MYOM1: variants seen among roughly 807,000 people sequenced by gnomAD.
MYOM1 encodes the protein myomesin 1, also known as myomesin-1.
MYOM1 carries 164 observed loss-of-function variants against 205.3 expected under a neutral mutation model. That is an observed-to-expected ratio of 0.80 (90% CI 0.70 to 0.91). MYOM1 has a LOEUF of 0.91. MYOM1 is among the 40% of genes least tolerant of loss of function. MYOM1 has a pLI of 0.00. For synonymous variants in MYOM1, 772 were observed against 789.4 expected (o/e 0.98, Z 0.37); for missense variants, 2,011 against 2,127.3 (o/e 0.95, Z 1.08).
intron 37 of MYOM1, among the ~76,000 whole-genome samples, chr18:3,067,829 G>C (rs2078915845): frequency 6.6e-6 from 1 of 152,096 alleles, no homozygotes; most frequent in Non-Finnish European, 1.5e-5. Context: ...ACACGAAAGA[G>C]TTTATGTCTA....
In MYOM1 at chr18:3,079,355, A is replaced by G. The variant is rs1203156496; in HGVS notation, c.4485-13T>C. On this transcript the variant is annotated splice_polypyrimidine_tract_variant and intron_variant, in intron 33 of 37. Coordinates refer to ENST00000356443, the MANE Select transcript of MYOM1 (RefSeq NM_003803.4). ...AATGGCGGACCCACTGTGAAAATCG[A>G]AGAAAACTTCCTTAGCATTTGCTTC... 4 of 1,600,128 alleles carry G rather than the reference A, an allele frequency of 2.5e-6. No homozygotes were observed. Among genetic ancestry groups the G allele is most frequent in the Non-Finnish European group, 3.4e-6 (4 of 1,171,056 alleles).
At chr18:3,241,186 G>A in the MYOM1 span, among the ~76,000 whole-genome samples, 3 of 152,224 alleles carry the variant, frequency 2.0e-5, no homozygotes, top group South Asian at 6.2e-4. Flanking sequence ...TAACGAGGAG[G>A]TGAATGTTAA....
upstream of MYOM1, among the ~76,000 whole-genome samples, chr18:3,224,270 C>T (rs936562476): frequency 1.3e-5 from 2 of 152,200 alleles, no homozygotes; most frequent in African/African-American, 4.8e-5. Context: ...GATCTGCCTG[C>T]CTCAGCCTCC....
chr18:3,229,596 C>A, the MYOM1 span, among the ~76,000 whole-genome samples: 1 of 152,130 alleles, frequency 6.6e-6, no homozygotes. Flanking sequence ...ATGTCATCAA[C>A]CAAATATGAA....
chr18:3,225,707 C>T, the MYOM1 span, among the ~76,000 whole-genome samples: 2 of 152,194 alleles, frequency 1.3e-5, no homozygotes, highest in Non-Finnish European at 2.9e-5. Context: ...GAGCCTTAGC[C>T]ACATTTAATA....
chr18:3,215,299 C>G, intron 1 of MYOM1, 48 bp from the exon 2 acceptor site: 3 of 1,384,604 alleles, frequency 2.2e-6, no homozygotes, highest in Non-Finnish European at 2.9e-6. Context: ...GAACAAATTC[C>G]ATAGACCAAG....
intron 37 of MYOM1, among the ~76,000 whole-genome samples, chr18:3,069,083 C>CT (rs939784639): frequency 4.4e-4 from 66 of 151,288 alleles, no homozygotes; most frequent in African/African-American, 2.2e-4. Context: ...CCCATGTTTT[C>CT]TTTTTTTTTC....
chr18:3,073,662 G>C (rs1465146395), intron 36 of MYOM1, among the ~76,000 whole-genome samples: 1 of 152,192 alleles, frequency 6.6e-6, no homozygotes, highest in Non-Finnish European at 1.5e-5. Flanking sequence ...GATTATTTCT[G>C]AATAATGCCT....
chr18:3,138,243 G>A (rs2079998303), intron 14 of MYOM1, among the ~76,000 whole-genome samples: 1 of 152,134 alleles, frequency 6.6e-6, no homozygotes, highest in African/African-American at 2.4e-5. Flanking sequence ...ACAGAATTTT[G>A]TAACGTTTTC....
At chr18:3,149,123 C>T (rs1335166618) in intron 13 of MYOM1, 22 bp downstream of exon 13, 3 of 1,612,364 alleles carry the variant, frequency 1.9e-6, no homozygotes, top group Non-Finnish European at 2.5e-6. Flanking sequence ...GCAATAGTAT[C>T]TGGGGCAACC....
intron 2 of MYOM1, among the ~76,000 whole-genome samples, chr18:3,207,808 C>G (rs1441828895): frequency 6.6e-6 from 1 of 152,152 alleles, no homozygotes; most frequent in East Asian, 1.9e-4. Context: ...CTACTCTGCT[C>G]TACTCTAGGA....
At chr18:3,113,298 CTATATATATA>C (rs70964105) in intron 21 of MYOM1, among the ~76,000 whole-genome samples, 7 of 145,238 alleles carry the variant, frequency 4.8e-5, no homozygotes, top group African/African-American at 1.3e-4. Flanking sequence ...GTGTTTGTGT[CTATATATATA>C]TATATATATA....
intron 37 of MYOM1, among the ~76,000 whole-genome samples, chr18:3,070,518 G>A (rs1272128639): frequency 6.6e-6 from 1 of 152,088 alleles, no homozygotes; most frequent in Non-Finnish European, 1.5e-5. Flanking sequence ...ATGTTGGTTC[G>A]CTCAGACTGT....
In MYOM1 at chr18:3,215,248, C is replaced by A; in HGVS notation, c.-25G>T. ...TCCTGTGCCCCTTGAAGGAACCGGGCCACCTGAAGGAAAACAACACTTTTT... is the reference window on the plus strand; with the variant it reads ...TCCTGTGCCCCTTGAAGGAACCGGGACACCTGAAGGAAAACAACACTTTTT... On this transcript the variant is annotated 5_prime_UTR_variant, in exon 2 of 38. Transcript: ENST00000356443. 6.3e-7 allele frequency: 1 copy of A among 1,579,132 alleles called. No individual in the cohort carries two copies. Among genetic ancestry groups the A allele is most frequent in the Non-Finnish European group, 8.6e-7 (1 of 1,160,020 alleles).
Position 3,113,140 on chromosome 18 carries a change from T to C in MYOM1, c.3304-728A>G, listed in dbSNP as rs191443248. Among the ~76,000 whole-genome samples, 12 of 151,472 alleles carry C rather than the reference T, an allele frequency of 7.9e-5. No homozygotes were observed. In the East Asian group the frequency reaches 2.1e-3, roughly 27 times the overall value. ...CTAAGAGCTGTAAAAAAAAAGCATT[T>C]ATAATTTATTTTTGTATGACAGTCC... On this transcript the variant is annotated intron_variant, in intron 21 of 37. Coordinates refer to ENST00000356443, the MANE Select transcript of MYOM1 (RefSeq NM_003803.4).
intron 4 of MYOM1, among the ~76,000 whole-genome samples, chr18:3,188,286 T>A (rs895776654): frequency 6.6e-6 from 1 of 152,204 alleles, no homozygotes; most frequent in Non-Finnish European, 1.5e-5. Flanking sequence ...CTTGTTTTCT[T>A]ACGTTTTGTT....
intron 22 of MYOM1, among the ~76,000 whole-genome samples, chr18:3,104,856 C>T (rs941280478): frequency 1.3e-5 from 2 of 148,850 alleles, no homozygotes; most frequent in African/African-American, 2.5e-5. Context: ...AGGTCATCCT[C>T]CCACCTCTGC....
At chr18:3,240,586 G>A in the MYOM1 span, among the ~76,000 whole-genome samples, 1 of 152,082 alleles carries the variant, frequency 6.6e-6, no homozygotes, top group Admixed American at 6.5e-5. Context: ...TTTTTAAATT[G>A]CCCAGTATCA....
At position 3,209,430 on chromosome 18, in the gene MYOM1, A is replaced by G. The variant is rs2081165252; in HGVS notation, c.290+5504T>C. Among the ~76,000 whole-genome samples the G allele has an allele frequency of 6.6e-6, 1 of 152,246 alleles. No individual in the cohort carries two copies. The highest frequency in any genetic ancestry group is 1.5e-5 in the Non-Finnish European group (1 of 68,042). ...GGGAACTTGCTTCTGCAACAGTCAC[A>G]GTGATGCTGTTACCACTGAGTCAGA... On this transcript the variant is annotated intron_variant, in intron 2 of 37. Coordinates refer to ENST00000356443, the MANE Select transcript of MYOM1 (RefSeq NM_003803.4). The surrounding 1 kb of genome is among the most constrained non-coding windows in gnomAD (Gnocchi z 4.0).
Sources: gnomAD v4.1 joint callset for allele counts (sites outside exome capture counted in the v4.1 genomes callset) on GRCh38, gnomAD v4.1.1 for gene constraint, Gnocchi (gnomAD v3.1) non-coding constraint, MANE v1.5 for transcripts, NCBI Gene and HGNC (gene_info 2026-07-23, HGNC 2026-07-21) for gene names.